The following CCDC138 variants were observed in gnomAD, a reference collection of about 807,000 sequenced individuals.
CCDC138 encodes the protein coiled-coil domain containing 138.
In CCDC138, 66 loss-of-function variants were observed where a neutral mutation model predicts 82.3. The observed-to-expected ratio is 0.80, with a 90% CI of 0.66 to 0.98. The LOEUF is 0.98. Among genes scored for constraint, CCDC138 ranks in the 50% least tolerant of loss-of-function variants. The probability of loss-of-function intolerance (pLI) is 0.00; values close to 1 mark genes in which losing one functional copy is unlikely to be tolerated. For synonymous variants in CCDC138, 297 were observed against 265.4 expected, an observed-to-expected ratio of 1.12 and a Z score of -1.16; for missense variants, 816 against 758.9, an observed-to-expected ratio of 1.08 and a Z score of -0.88.
intron 10 of CCDC138, among the ~76,000 whole-genome samples, chr2:108,824,006 A>G (rs1407498416): frequency 1.3e-5 from 2 of 152,038 alleles, no homozygotes; most frequent in African/African-American, 4.8e-5. Flanking sequence ...TGGGGGGTAC[A>G]CCTGAATAGA....
chr2:108,852,029 G>A (rs954006138), intron 12 of CCDC138, among the ~76,000 whole-genome samples: 1 of 152,082 alleles, frequency 6.6e-6, no homozygotes, highest in African/African-American at 2.4e-5. Context: ...CTACCTAAGA[G>A]CATGTACTTC....
chr2:108,795,846 A>G (rs1680777450), intron 5 of CCDC138, among the ~76,000 whole-genome samples: 2 of 152,168 alleles, frequency 1.3e-5, no homozygotes, highest in South Asian at 4.1e-4. Context: ...CAGGCTGGGT[A>G]TTTTACAAGT....
At chr2:108,835,023 C>G (rs912761151) in intron 10 of CCDC138, among the ~76,000 whole-genome samples, 1 of 152,222 alleles carries the variant, frequency 6.6e-6, no homozygotes, top group Non-Finnish European at 1.5e-5. Flanking sequence ...TTGTTTTGCA[C>G]TTGCATTGAG....
At chr2:108,830,405 T>A (rs554128551) in intron 10 of CCDC138, among the ~76,000 whole-genome samples, 25 of 152,354 alleles carry the variant, frequency 1.6e-4, no homozygotes, top group Non-Finnish European at 2.8e-4. Context: ...TATTTTACCA[T>A]AATAAAGATT....
chr2:108,832,993 T>G (rs1687957140), intron 10 of CCDC138, among the ~76,000 whole-genome samples: 1 of 152,208 alleles, frequency 6.6e-6, no homozygotes, highest in South Asian at 2.1e-4. Flanking sequence ...TAAATGCACA[T>G]TGCTCAGTGA....
At chr2:108,879,871 A>G (rs896535802), downstream of CCDC138, among the ~76,000 whole-genome samples, 2 of 152,172 alleles carry the variant, frequency 1.3e-5, no homozygotes, top group African/African-American at 4.8e-5. Context: ...CAACCTTCAA[A>G]TTTATTGGAA....
chr2:108,793,055 CT>C (rs529396256), intron 4 of CCDC138, among the ~76,000 whole-genome samples: 178 of 142,066 alleles, frequency 1.3e-3, no homozygotes, highest in African/African-American at 4.6e-3. Context: ...CAGAGAGACT[CT>C]GTCTCAAAAA....
Position 108,788,093 on chromosome 2 carries a change from A to G in CCDC138, c.151+4A>G, listed in dbSNP as rs753328015. ...AGAAGAACTCTAACCTCCCCAGGTA[A>G]GCCGGTATTTTGTATATTTGGGGGT... is the stretch of plus-strand genomic sequence containing the variant. On this transcript the variant is annotated splice_donor_region_variant and intron_variant, in intron 2 of 14. Coordinates refer to ENST00000295124, the MANE Select transcript of CCDC138 (RefSeq NM_144978.3). The G allele has an allele frequency of 3.7e-6, 6 of 1,603,808 alleles. No homozygotes were observed. Among genetic ancestry groups the G allele is most frequent in the Middle Eastern group, 1.8e-4 (1 of 5,532 alleles).
intron 10 of CCDC138, among the ~76,000 whole-genome samples, chr2:108,824,207 T>A (rs1686190529): frequency 6.6e-6 from 1 of 152,210 alleles, no homozygotes; most frequent in African/African-American, 2.4e-5. Flanking sequence ...TAGCTTACTG[T>A]AATCTTTTTA....
intron 10 of CCDC138, among the ~76,000 whole-genome samples, chr2:108,838,206 G>A (rs1004427741): frequency 6.6e-6 from 1 of 152,088 alleles, no homozygotes; most frequent in Non-Finnish European, 1.5e-5. Flanking sequence ...TCTATCAGAG[G>A]CATACTCTAG....
At chr2:108,813,087 A>C (rs1415074549) in intron 9 of CCDC138, among the ~76,000 whole-genome samples, 160 bp downstream of exon 9, 1 of 151,812 alleles carries the variant, frequency 6.6e-6, no homozygotes. Context: ...GTTTCTACTA[A>C]AAATACAGAA....
intron 3 of CCDC138, chr2:108,791,440 G>A (rs574208808): frequency 1.8e-5 from 9 of 499,994 alleles, no homozygotes; most frequent in African/African-American, 1.6e-4. Context: ...GTAGGTATAT[G>A]TCATTTTAAA....
rs773231424 is a variant in CCDC138, at chr2:108,815,940, G to A, written c.1042-1G>A. 1.2e-6 allele frequency: 2 copies of A among 1,601,844 alleles called. No homozygotes were observed. Among genetic ancestry groups the A allele is most frequent in the Non-Finnish European group, 1.7e-6 (2 of 1,175,872 alleles). On this transcript the variant is annotated splice_acceptor_variant, in intron 9 of 14. Coordinates refer to ENST00000295124, the MANE Select transcript of CCDC138 (RefSeq NM_144978.3). LOFTEE classifies it high-confidence loss of function. ...TAAATGATTTAATTTTTGACATATAGGTACCACTTAATGGGCAAGTTTATG... is the reference window on the plus strand; with the variant it reads ...TAAATGATTTAATTTTTGACATATAAGTACCACTTAATGGGCAAGTTTATG...
chr2:108,847,363 A>G (rs1690668350), intron 12 of CCDC138, among the ~76,000 whole-genome samples: 1 of 152,194 alleles, frequency 6.6e-6, no homozygotes, highest in Non-Finnish European at 1.5e-5. Context: ...CCCTACAGTG[A>G]CAGAGTTGAG....
At chr2:108,841,660 T>C (rs1280794793) in intron 11 of CCDC138, among the ~76,000 whole-genome samples, 1 of 152,138 alleles carries the variant, frequency 6.6e-6, no homozygotes, top group Non-Finnish European at 1.5e-5. Context: ...TTAAATAGCA[T>C]ACAGCTGCAT....
rs766473132 is a variant in CCDC138, at chr2:108,786,846, A to G, written c.24A>G (p.Pro8=). MEPRVVK[P]PGQDLVVESL... The stretch of plus-strand genomic sequence containing the variant: ...CTATGGAGCCGAGGGTCGTCAAGCC[A>G]CCGGGGCAGGATTTAGTAGTGGAGA... Residue 8 remains proline, a synonymous_variant, in exon 1 of 15, where the codon CCA becomes CCG. Coordinates refer to ENST00000295124, the MANE Select transcript of CCDC138 (RefSeq NM_144978.3). 1.6e-5 allele frequency: 25 copies of G among 1,592,194 alleles called. No homozygotes were observed. In the African/African-American group the frequency reaches 3.2e-4, roughly 21 times the overall value.
At position 108,876,232 on chromosome 2, in the gene CCDC138, G is replaced by T. The variant is rs199651386; in HGVS notation, c.1977G>T (p.Leu659=). Residue 659 remains leucine (L), a synonymous_variant, in exon 15 of 15, where the codon CTG becomes CTT. Coordinates refer to ENST00000295124, the MANE Select transcript of CCDC138 (RefSeq NM_144978.3). The part of the protein sequence containing the change: ...FNLGLTKCNS[L]VSSASP ...TGGGTTTAACAAAATGTAACTCCCTGGTCTCCAGTGCAAGCCCTTAGACTG... is the reference window on the plus strand; with the variant it reads ...TGGGTTTAACAAAATGTAACTCCCTTGTCTCCAGTGCAAGCCCTTAGACTG... 6.2e-7 allele frequency: 1 copy of T among 1,610,892 alleles called. No homozygotes were observed. The highest frequency in any genetic ancestry group is 8.5e-7 in the Non-Finnish European group (1 of 1,177,982).
At chr2:108,866,197 G>C (rs1694386201) in intron 13 of CCDC138, among the ~76,000 whole-genome samples, 1 of 152,130 alleles carries the variant, frequency 6.6e-6, no homozygotes, top group Non-Finnish European at 1.5e-5. Flanking sequence ...GAAGAAGGAA[G>C]GTCCAGGAGT....
At chr2:108,873,836 G>A (rs1695633728) in intron 14 of CCDC138, among the ~76,000 whole-genome samples, 1 of 152,156 alleles carries the variant, frequency 6.6e-6, no homozygotes, top group African/African-American at 2.4e-5. Context: ...TGGGCCGCAT[G>A]CAGCCCATGG....
Sources: allele counts gnomAD v4.1 joint callset (sites outside exome capture counted in the v4.1 genomes callset), GRCh38; gene constraint gnomAD v4.1.1; transcripts MANE v1.5; gene names NCBI Gene and HGNC (gene_info 2026-07-23, HGNC 2026-07-21).